CEP131: variants seen among roughly 807,000 people sequenced by gnomAD.
CEP131 encodes the protein centrosomal protein of 131 kDa.
A neutral mutation model predicts 136.8 loss-of-function variants in CEP131; 99 were observed. The ratio of observed to expected loss-of-function variants is 0.72; its 90% CI spans 0.62 to 0.86. The LOEUF (loss-of-function observed/expected upper bound fraction) is 0.86, where lower values mean the gene tolerates loss of function less well. Ranked by LOEUF, CEP131 falls within the 40% of genes least tolerant of loss-of-function variation. CEP131 has a pLI of 0.00. For synonymous variants in CEP131, 646 were observed against 612.7 expected (o/e 1.05, Z -0.80); for missense variants, 1,459 against 1,463.0 (o/e 1.00, Z 0.04).
Position 81,208,212 on chromosome 17 carries a change from C to T in CEP131, c.272+716G>A, listed in dbSNP as rs1250005751. The stretch of plus-strand genomic sequence containing the variant: ...CTAGTTGCTGAGCTAAGAGCGGCTC[C>T]CGGAGGCTGCACTGGATAGGGTGTG... On this transcript the variant is annotated intron_variant, in intron 3 of 25. Coordinates refer to ENST00000450824, the MANE Select transcript of CEP131 (RefSeq NM_014984.4). This position sits in a 1 kb window ranked among gnomAD's most constrained non-coding sequence, Gnocchi z 5.6. Among the ~76,000 whole-genome samples the T allele has an allele frequency of 6.6e-6, 1 of 152,156 alleles. No homozygotes were observed. The highest frequency in any genetic ancestry group is 1.5e-5 in the Non-Finnish European group (1 of 68,016).
chr17:81,193,944 C>CGCT lies in CEP131; in HGVS notation c.2300_2302dup (p.Glu767_Arg768insGln). 1 of 1,539,070 alleles carries CGCT rather than the reference C, an allele frequency of 6.5e-7. No homozygotes were observed. Among genetic ancestry groups the CGCT allele is most frequent in the South Asian group, 1.2e-5 (1 of 83,712 alleles). On this transcript the variant is annotated inframe_insertion, in exon 18 of 26. Transcript: ENST00000450824. ...CACCCACCGCTGCCGAGCACGTTCG[C>CGCT]GCTCCTGCTGGCCCAGCGCCTCCTT...
chr17:81,199,201 A>C (rs1039868652), intron 10 of CEP131, among the ~76,000 whole-genome samples, 180 bp downstream of exon 10: 2 of 151,982 alleles, frequency 1.3e-5, no homozygotes, highest in African/African-American at 4.8e-5. Flanking sequence ...GGACCATTTG[A>C]TTGTCAAGGT....
At chr17:81,195,758 G>C (rs970864005) in intron 16 of CEP131, 77 bp downstream of exon 16, 3 of 1,334,336 alleles carry the variant, frequency 2.2e-6, no homozygotes, top group Non-Finnish European at 3.1e-6. Context: ...GTCCGGTCCT[G>C]TTCTGGGGGC....
At chr17:81,210,309 C>G (rs549264958) in intron 2 of CEP131, among the ~76,000 whole-genome samples, 1 of 152,302 alleles carries the variant, frequency 6.6e-6, no homozygotes, top group South Asian at 2.1e-4. Flanking sequence ...CGGTGGTTCA[C>G]GCCTGTGATC....
chr17:81,200,520 G>T, intron 7 of CEP131, 74 bp from the exon 8 acceptor site: 1 of 1,137,258 alleles, frequency 8.8e-7, no homozygotes, highest in Non-Finnish European at 1.3e-6. Context: ...GCTGGTGGAA[G>T]GTCGAGCCGG....
At chr17:81,190,570 G>A in intron 24 of CEP131, 69 bp downstream of exon 24, 1 of 1,441,200 alleles carries the variant, frequency 6.9e-7, no homozygotes, top group Non-Finnish European at 9.1e-7. Context: ...CTGGGGCTTG[G>A]AGCTGCAGAG....
Position 81,191,279 on chromosome 17 carries a change from C to T in CEP131, c.2679G>A (p.Arg893=), listed in dbSNP as rs1191959365. ...GAATGACCAGCTCAATCTCCTTGTC[C>T]CGGCCTTTCCGGATTTCTTCCCTCA... ...QELREEIRKG[R]DKEIELVIHR... is the part of the protein sequence containing the mutation. Residue 893 remains arginine (R), a synonymous_variant, in exon 22 of 26, where the codon CGG becomes CGA. Coordinates refer to ENST00000450824, the MANE Select transcript of CEP131 (RefSeq NM_014984.4). The T allele has an allele frequency of 6.2e-7, 1 of 1,613,524 alleles. No individual in the cohort carries two copies. The highest frequency in any genetic ancestry group is 1.1e-5 in the South Asian group (1 of 91,088).
In CEP131 at chr17:81,194,167, G is replaced by A. The variant is rs1364083465; in HGVS notation, c.2120-40C>T. 16 of 1,458,762 alleles carry A rather than the reference G, an allele frequency of 1.1e-5. No individual in the cohort carries two copies. The Admixed American group carries it at 1.3e-4, about 12-fold the overall frequency. 90.4% of individuals were successfully genotyped at this position (1,458,762 alleles called of 1,614,324 possible). The stretch of plus-strand genomic sequence containing the variant: ...CCAGCTAGGGCCACGTCCAGCTAGG[G>A]TGGGCCCGGGAAGTCCAACCCTGGC... On this transcript the variant is annotated intron_variant, in intron 17 of 25. Coordinates refer to ENST00000450824, the MANE Select transcript of CEP131 (RefSeq NM_014984.4).
chr17:81,205,859 CT>C (rs1210485591), intron 5 of CEP131, among the ~76,000 whole-genome samples: 3 of 152,068 alleles, frequency 2.0e-5, no homozygotes, highest in African/African-American at 4.8e-5. Context: ...TGATCGTGGA[CT>C]CCAGTCAGGG....
chr17:81,207,930 ACACAC>A (rs1251013196), intron 3 of CEP131, among the ~76,000 whole-genome samples: 1 of 146,260 alleles, frequency 6.8e-6, no homozygotes, highest in South Asian at 2.2e-4. Flanking sequence ...CACACACACC[ACACAC>A]CATACACCAC....
At chr17:81,199,257 C>T (rs1567860002) in intron 10 of CEP131, 124 bp downstream of exon 10, 7 of 1,216,346 alleles carry the variant, frequency 5.8e-6, no homozygotes, top group East Asian at 2.5e-5. Context: ...CCCCTAACTC[C>T]GAGGACTGGG....
chr17:81,202,234 G>C lies in CEP131; in HGVS notation c.788+6C>G. On this transcript the variant is annotated splice_donor_region_variant and intron_variant, in intron 7 of 25. Transcript: ENST00000450824. ...GGCCCCCCCCCACCGCCCCAAGATC[G>C]GTCACCTCTCAGCCTCCTCCTCCGT... is the stretch of plus-strand genomic sequence containing the variant. 1.3e-5 allele frequency: 18 copies of C among 1,426,302 alleles called. No individual in the cohort carries two copies. Among genetic ancestry groups the C allele is most frequent in the Non-Finnish European group, 1.7e-5 (18 of 1,071,370 alleles). 88.4% of individuals were successfully genotyped at this position (1,426,302 alleles called of 1,614,324 possible). A position where few individuals can be genotyped will look rare whatever the true frequency, so the allele number is the denominator to read the frequency against.
chr17:81,205,691 G>T (rs1467011410), intron 5 of CEP131, among the ~76,000 whole-genome samples: 1 of 151,910 alleles, frequency 6.6e-6, no homozygotes, highest in South Asian at 2.1e-4. Flanking sequence ...CCGAGCCCAG[G>T]AGTTTGAGAC....
At chr17:81,214,181 T>A (rs529602632) in intron 2 of CEP131, among the ~76,000 whole-genome samples, 1 of 152,390 alleles carries the variant, frequency 6.6e-6, no homozygotes, top group East Asian at 1.9e-4. Context: ...TAGCAGAGAC[T>A]GGGTGCGGTA....
Position 81,203,954 on chromosome 17 carries a change from G to A in CEP131, c.516-347C>T, listed in dbSNP as rs747056867. On this transcript the variant is annotated intron_variant, in intron 5 of 25. Coordinates refer to ENST00000450824, the MANE Select transcript of CEP131 (RefSeq NM_014984.4). This position sits in a 1 kb window ranked among gnomAD's most constrained non-coding sequence, Gnocchi z 4.6. Reference sequence around the variant, plus strand: ...GAAGCGAAGCCCCATCCCACACGACGGATGGAAGCCACATTCTCTGCCTCT... The same window carrying A: ...GAAGCGAAGCCCCATCCCACACGACAGATGGAAGCCACATTCTCTGCCTCT... The A allele has an allele frequency of 3.0e-5, 7 of 236,636 alleles. No individual in the cohort carries two copies. Among genetic ancestry groups the A allele is most frequent in the Admixed American group, 2.2e-4 (4 of 18,404 alleles). 14.7% of individuals were successfully genotyped at this position (236,636 alleles called of 1,614,324 possible). A position where few individuals can be genotyped will look rare whatever the true frequency, so the allele number is the denominator to read the frequency against.
chr17:81,206,120 T>C (rs2062004258), intron 5 of CEP131, among the ~76,000 whole-genome samples: 2 of 151,764 alleles, frequency 1.3e-5, no homozygotes, highest in Non-Finnish European at 2.9e-5. Flanking sequence ...AGGCTGAGGC[T>C]GGAGAATCGC....
Position 81,195,826 on chromosome 17 carries a change from A to G in CEP131, c.2016+9T>C. The G allele has an allele frequency of 6.2e-7, 1 of 1,600,342 alleles. No homozygotes were observed. Among genetic ancestry groups the G allele is most frequent in the Non-Finnish European group, 8.5e-7 (1 of 1,179,024 alleles). On this transcript the variant is annotated intron_variant, in intron 16 of 25. Coordinates refer to ENST00000450824, the MANE Select transcript of CEP131 (RefSeq NM_014984.4). ...TTGGGACGCCGTGCAGTAGGGAGCA[A>G]AGCCTCACCAGCTCGTGCTGCGCCT...
intron 2 of CEP131, among the ~76,000 whole-genome samples, chr17:81,218,132 G>T (rs758816497): frequency 1.3e-5 from 2 of 148,736 alleles, no homozygotes; most frequent in African/African-American, 5.0e-5. Flanking sequence ...AGCCTCCTCC[G>T]CCCGGGTTCA....
rs558363305 is a variant in CEP131, at chr17:81,207,321, C to T, written c.273-82G>A. 102 of 1,259,622 alleles carry T rather than the reference C, an allele frequency of 8.1e-5. No individual in the cohort carries two copies. The African/African-American group carries it at 1.2e-3, about 14-fold the overall frequency. 78.0% of individuals were successfully genotyped at this position (1,259,622 alleles called of 1,614,324 possible). A position where few individuals can be genotyped will look rare whatever the true frequency, so the allele number is the denominator to read the frequency against. ...CTAGGCACACAGACCAGGCAGGTCC[C>T]GCGAGGACAGAGGGGCTGAGGCACT... On this transcript the variant is annotated intron_variant, in intron 3 of 25. Transcript: ENST00000450824.
Sources: allele counts gnomAD v4.1 joint callset (sites outside exome capture counted in the v4.1 genomes callset), GRCh38; gene constraint gnomAD v4.1.1; non-coding constraint Gnocchi (gnomAD v3.1); transcripts MANE v1.5; gene names NCBI Gene and HGNC (gene_info 2026-07-23, HGNC 2026-07-21).